Variants in MPPED2 observed in about 807,000 individuals in gnomAD.
MPPED2 encodes the protein metallophosphoesterase MPPED2.
A neutral mutation model predicts 33.0 loss-of-function variants in MPPED2; 5 were observed. That is an observed-to-expected ratio of 0.15 (90% CI 0.08 to 0.32). MPPED2 has a LOEUF of 0.32. Ranked by LOEUF, MPPED2 falls within the 10% of genes least tolerant of loss-of-function variation. MPPED2 has a pLI of 1.00. For missense variants in MPPED2, 275 were observed against 372.1 expected (o/e 0.74, Z 2.15); for synonymous variants, 136 against 141.9 (o/e 0.96, Z 0.29).
intron 2 of MPPED2, among the ~76,000 whole-genome samples, chr11:30,575,230 T>C (rs1261962444): frequency 1.3e-5 from 2 of 152,114 alleles, no homozygotes; most frequent in African/African-American, 2.4e-5. Flanking sequence ...ATAAAACAAG[T>C]TGGACTTGTC....
At chr11:30,585,873 C>T (rs1957444267) in intron 1 of MPPED2, among the ~76,000 whole-genome samples, 169 bp downstream of exon 1, 1 of 152,192 alleles carries the variant, frequency 6.6e-6, no homozygotes, top group African/African-American at 2.4e-5. Context: ...CCGGGGCAGC[C>T]CGGGTCCGCA....
chr11:30,447,938 C>T (rs554573023), intron 4 of MPPED2, among the ~76,000 whole-genome samples: 5 of 152,148 alleles, frequency 3.3e-5, no homozygotes, highest in African/African-American at 7.2e-5. Context: ...TATAGACCCT[C>T]GAAAGATAAA....
intron 4 of MPPED2, among the ~76,000 whole-genome samples, chr11:30,489,349 A>G (rs1182316006): frequency 6.6e-6 from 1 of 152,236 alleles, no homozygotes; most frequent in Non-Finnish European, 1.5e-5. Flanking sequence ...AATGTGAGCA[A>G]CCTTGTAGCT....
At chr11:30,413,639 A>T (rs1948212916) in intron 6 of MPPED2, among the ~76,000 whole-genome samples, 1 of 152,232 alleles carries the variant, frequency 6.6e-6, no homozygotes, top group Non-Finnish European at 1.5e-5. Flanking sequence ...AATAGCTCCG[A>T]TGATTTCTGA....
At chr11:30,510,963 T>C (rs537440284) in intron 3 of MPPED2, among the ~76,000 whole-genome samples, 5 of 152,334 alleles carry the variant, frequency 3.3e-5, no homozygotes, top group Admixed American at 2.0e-4. Context: ...CATTTCACTT[T>C]CAACCCCACA....
intron 6 of MPPED2, among the ~76,000 whole-genome samples, chr11:30,403,688 G>T (rs543426208): frequency 1.3e-5 from 2 of 152,286 alleles, no homozygotes; most frequent in South Asian, 4.1e-4. Context: ...AAAGGTATGT[G>T]GAGTGGCCCC....
chr11:30,481,739 A>G (rs1327618181), intron 4 of MPPED2, among the ~76,000 whole-genome samples: 3 of 152,164 alleles, frequency 2.0e-5, no homozygotes, highest in East Asian at 1.9e-4. Flanking sequence ...ACGCAGCACC[A>G]AAAAGGTCTG....
chr11:30,492,626 A>G (rs901138652), intron 4 of MPPED2, among the ~76,000 whole-genome samples: 7 of 152,204 alleles, frequency 4.6e-5, no homozygotes, highest in Admixed American at 3.3e-4. Flanking sequence ...ACCCCAGATT[A>G]CAGTTTGACA....
chr11:30,499,867 T>C (rs1485986798), intron 3 of MPPED2, among the ~76,000 whole-genome samples: 1 of 152,154 alleles, frequency 6.6e-6, no homozygotes, highest in Non-Finnish European at 1.5e-5. Flanking sequence ...TTTTGTTTTG[T>C]TTTGTTTTTG....
At chr11:30,386,898 G>C in exon 7 of MPPED2, 1 of 396,794 alleles carries the variant, frequency 2.5e-6, no homozygotes, top group Non-Finnish European at 4.4e-6. Context: ...TTAAGCATCT[G>C]CCAAATGTTG....
At chr11:30,401,700 C>T (rs933060079) in intron 6 of MPPED2, among the ~76,000 whole-genome samples, 16 of 152,224 alleles carry the variant, frequency 1.1e-4, no homozygotes, top group African/African-American at 3.6e-4. Flanking sequence ...TTGTTTGAGA[C>T]GGAGTCTCGC....
chr11:30,393,082 A>G (rs1947799928), intron 6 of MPPED2, among the ~76,000 whole-genome samples: 1 of 152,064 alleles, frequency 6.6e-6, no homozygotes, highest in African/African-American at 2.4e-5. Context: ...TTTGTGCCCA[A>G]TCTGGAGATC....
chr11:30,451,896 A>C, intron 4 of MPPED2: 1 of 985,316 alleles, frequency 1.0e-6, no homozygotes, highest in Non-Finnish European at 1.2e-6. Flanking sequence ...GCTCAATGCA[A>C]TTGTGGGCAA....
chr11:30,560,595 A>G (rs1956197705), intron 2 of MPPED2, among the ~76,000 whole-genome samples: 1 of 152,208 alleles, frequency 6.6e-6, no homozygotes, highest in Middle Eastern at 3.2e-3. Flanking sequence ...GCTCCGTAGA[A>G]TGCCACAAAT....
At chr11:30,546,775 A>C (rs1955447606) in intron 2 of MPPED2, among the ~76,000 whole-genome samples, 1 of 152,188 alleles carries the variant, frequency 6.6e-6, no homozygotes, top group African/African-American at 2.4e-5. Context: ...TTTGAAGACA[A>C]ATGCTTATTT....
chr11:30,471,054 T>C (rs1950926804), intron 4 of MPPED2, among the ~76,000 whole-genome samples: 1 of 152,222 alleles, frequency 6.6e-6, no homozygotes, highest in Admixed American at 6.5e-5. Flanking sequence ...ATCAGATTAC[T>C]AGAGAATCAT....
At chr11:30,407,618 T>C (rs1948010268), downstream of MPPED2, among the ~76,000 whole-genome samples, 1 of 152,196 alleles carries the variant, frequency 6.6e-6, no homozygotes, top group African/African-American at 2.4e-5. Flanking sequence ...AGGCCAGTAA[T>C]CCCAGAACTT....
intron 2 of MPPED2, among the ~76,000 whole-genome samples, chr11:30,569,585 T>C (rs1221271151): frequency 6.6e-6 from 1 of 152,168 alleles, no homozygotes; most frequent in Admixed American, 6.5e-5. Context: ...GTCTCCCAGA[T>C]ACTAACAGAT....
chr11:30,472,496 A>G (rs919622912), intron 4 of MPPED2, among the ~76,000 whole-genome samples: 1 of 152,228 alleles, frequency 6.6e-6, no homozygotes, highest in Non-Finnish European at 1.5e-5. Context: ...TTTTGCTCCA[A>G]GTACCTTCAC....
Sources: gnomAD v4.1 joint callset for allele counts (sites outside exome capture counted in the v4.1 genomes callset) on GRCh38, gnomAD v4.1.1 for gene constraint, MANE v1.5 for transcripts, NCBI Gene and HGNC (gene_info 2026-07-23, HGNC 2026-07-21) for gene names.